Variants in PDE6G observed in about 807,000 individuals in gnomAD.
The protein encoded by PDE6G is rod cGMP 3',5'-cyclic phosphodiesterase subunit gamma.
PDE6G carries 10 observed loss-of-function variants against 10.9 expected under a neutral mutation model. That is an observed-to-expected ratio of 0.91 (90% CI 0.56 to 1.55). PDE6G has a LOEUF of 1.55. PDE6G is among the 40% of genes most tolerant of loss of function. The probability of loss-of-function intolerance (pLI) is 0.00; values close to 1 mark genes in which losing one functional copy is unlikely to be tolerated. For synonymous variants in PDE6G, 41 were observed against 42.8 expected, an observed-to-expected ratio of 0.96 and a Z score of 0.16; for missense variants, 102 against 110.1, an observed-to-expected ratio of 0.93 and a Z score of 0.33.
At chr17:81,654,531 C>T (rs1195785633) in intron 1 of PDE6G, among the ~76,000 whole-genome samples, 2 of 152,014 alleles carry the variant, frequency 1.3e-5, no homozygotes, top group Non-Finnish European at 2.9e-5. Context: ...AGGCATGCGC[C>T]ACCACACCCA....
Position 81,653,288 on chromosome 17 carries a change from G to T in PDE6G, c.18C>A (p.Pro6=). The T allele has an allele frequency of 6.2e-7, 1 of 1,613,688 alleles. No homozygotes were observed. Among genetic ancestry groups the T allele is most frequent in the Non-Finnish European group, 8.5e-7 (1 of 1,179,982 alleles). Residue 6 remains proline (P), a synonymous_variant, in exon 2 of 4, where the codon CCC becomes CCA. Coordinates refer to ENST00000331056, the MANE Select transcript of PDE6G (RefSeq NM_002602.4). This position sits in a 1 kb window ranked among gnomAD's most constrained non-coding sequence, Gnocchi z 5.2. The part of the protein sequence containing the change: MNLEP[P]KAEFRSATRV... ...TGGTGGCTGACCGGAACTCAGCCTTGGGCGGTTCCAGGTTCATGGTGAGGC... is the reference window on the plus strand; with the variant it reads ...TGGTGGCTGACCGGAACTCAGCCTTTGGCGGTTCCAGGTTCATGGTGAGGC...
At chr17:81,655,129 C>T (rs1274231280) in intron 1 of PDE6G, among the ~76,000 whole-genome samples, 4 of 152,162 alleles carry the variant, frequency 2.6e-5, no homozygotes, top group Admixed American at 6.5e-5. Context: ...GGGGTGCTGT[C>T]AGTTCCCTTC....
At chr17:81,658,633 G>A (rs1433454526), upstream of PDE6G, among the ~76,000 whole-genome samples, 3 of 151,976 alleles carry the variant, frequency 2.0e-5, no homozygotes, top group Non-Finnish European at 4.4e-5. Flanking sequence ...TTGAGATCAG[G>A]AGTTCAAGAC....
chr17:81,651,090 T>C lies in PDE6G; in HGVS notation c.248A>G (p.Gln83Arg), dbSNP rs1198990618. Residue 83 changes from glutamine to arginine, a missense_variant, in exon 4 of 4, where the codon CAA becomes CGA. Transcript: ENST00000331056. This position sits in a 1 kb window ranked among gnomAD's most constrained non-coding sequence, Gnocchi z 4.8. ...GGCCTCGTGCTAGATGATGCCATAT[T>C]GGGCCAGCTCGTGCAGCTCCAGGTG... Reference protein sequence around the residue: ...FNHLELHELAQYGII With the variant: ...FNHLELHELARYGII The C allele has an allele frequency of 3.1e-6, 5 of 1,613,402 alleles. No homozygotes were observed. The highest frequency in any genetic ancestry group is 1.3e-5 in the African/African-American group (1 of 74,868).
At chr17:81,655,819 C>G (rs538781803) in intron 1 of PDE6G, among the ~76,000 whole-genome samples, 1 of 151,936 alleles carries the variant, frequency 6.6e-6, no homozygotes, top group Admixed American at 6.6e-5. Context: ...AGCTGTTTGC[C>G]GAGCTTCAGG....
intron 1 of PDE6G, among the ~76,000 whole-genome samples, chr17:81,661,545 C>T (rs997529385): frequency 2.6e-4 from 39 of 152,178 alleles, no homozygotes; most frequent in African/African-American, 8.2e-4. Flanking sequence ...GGTGAAACCC[C>T]GTCTCTACTA....
intron 1 of PDE6G, among the ~76,000 whole-genome samples, chr17:81,654,319 G>A (rs950035078): frequency 6.6e-6 from 1 of 151,976 alleles, no homozygotes; most frequent in African/African-American, 2.4e-5. Flanking sequence ...TTCTCATCAC[G>A]CGTCGAGTTA....
chr17:81,662,825 C>T (rs1199500176), intron 1 of PDE6G, among the ~76,000 whole-genome samples: 3 of 151,988 alleles, frequency 2.0e-5, no homozygotes, highest in African/African-American at 7.3e-5. Context: ...TGGCGAAACC[C>T]CGTCTCTAGT....
chr17:81,655,182 G>A (rs1222859870), intron 1 of PDE6G, among the ~76,000 whole-genome samples: 3 of 152,098 alleles, frequency 2.0e-5, no homozygotes, highest in Non-Finnish European at 4.4e-5. Flanking sequence ...GCACCATGAC[G>A]GGCACCCCGC....
At chr17:81,656,304 AGAG>A (rs1264949982) in intron 1 of PDE6G, among the ~76,000 whole-genome samples, 186 bp downstream of exon 1, 2 of 152,158 alleles carry the variant, frequency 1.3e-5, no homozygotes, top group Admixed American at 1.3e-4. Flanking sequence ...ATGGGGGAGC[AGAG>A]GAGGAGGTTG....
upstream of PDE6G, among the ~76,000 whole-genome samples, chr17:81,661,166 A>G (rs977605613): frequency 6.6e-6 from 1 of 152,154 alleles, no homozygotes; most frequent in Non-Finnish European, 1.5e-5. Flanking sequence ...GCAGGAGCCC[A>G]GGAGTTTACG....
rs1598719316 is a variant in PDE6G at position 81,653,580 on chromosome 17, T to A, written c.-59-216A>T. The A allele has an allele frequency of 2.0e-6, 1 of 502,816 alleles. No individual in the cohort carries two copies. The highest frequency in any genetic ancestry group is 3.6e-5 in the East Asian group (1 of 27,668). The allele number at this position is 502,816 out of a possible 1,614,324, so 31.1% of individuals were successfully genotyped here. On this transcript the variant is annotated intron_variant, in intron 1 of 3. Transcript: ENST00000331056. The surrounding 1 kb of genome is among the most constrained non-coding windows in gnomAD (Gnocchi z 5.2). ...TCCCCTTGCCTAGTGGATGCCCCCC[T>A]GCAACGCTGGCCACACACAGCTCCG...
At chr17:81,662,056 C>T (rs186295339) in intron 1 of PDE6G, among the ~76,000 whole-genome samples, 7 of 151,982 alleles carry the variant, frequency 4.6e-5, no homozygotes, top group Admixed American at 4.6e-4. Context: ...TTTAAATCTA[C>T]CTATGACCTG....
In PDE6G at chr17:81,651,637, C is replaced by T. The variant is rs749474428; in HGVS notation, c.187+8G>A. The T allele has an allele frequency of 6.8e-6, 11 of 1,613,782 alleles. No homozygotes were observed. Among genetic ancestry groups the T allele is most frequent in the Non-Finnish European group, 8.5e-6 (10 of 1,179,810 alleles). ...CAGACCTCGGGTTGGTACTGGCAGC[C>T]GTCATACCTGTTCCCAGGCCTTCCA... On this transcript the variant is annotated splice_region_variant and intron_variant, in intron 3 of 3. Coordinates refer to ENST00000331056, the MANE Select transcript of PDE6G (RefSeq NM_002602.4). This position sits in a 1 kb window ranked among gnomAD's most constrained non-coding sequence, Gnocchi z 4.8.
At chr17:81,659,846 G>T (rs1213139524), upstream of PDE6G, among the ~76,000 whole-genome samples, 1 of 152,112 alleles carries the variant, frequency 6.6e-6, no homozygotes, top group Non-Finnish European at 1.5e-5. Flanking sequence ...CAGAACTTTG[G>T]GAGGCCAAGG....
upstream of PDE6G, among the ~76,000 whole-genome samples, chr17:81,659,524 G>C (rs187578168): frequency 1.3e-5 from 2 of 151,446 alleles, no homozygotes; most frequent in African/African-American, 2.4e-5. Context: ...ATTTAAACCC[G>C]GGAGGCGGAG....
At position 81,653,349 on chromosome 17, in the gene PDE6G, T is replaced by C; in HGVS notation, c.-44A>G. The C allele has an allele frequency of 6.2e-7, 1 of 1,603,670 alleles. No individual in the cohort carries two copies. The highest frequency in any genetic ancestry group is 8.5e-7 in the Non-Finnish European group (1 of 1,178,788). On this transcript the variant is annotated 5_prime_UTR_variant, in exon 2 of 4. Coordinates refer to ENST00000331056, the MANE Select transcript of PDE6G (RefSeq NM_002602.4). This position sits in a 1 kb window ranked among gnomAD's most constrained non-coding sequence, Gnocchi z 5.2. ...ACCGCGGCAACCTTGGCTCCTGGAC[T>C]CCCTCCTGCTGCGGTCTGGGGGCAG...
chr17:81,653,274 C>G lies in PDE6G; in HGVS notation c.32G>C (p.Arg11Pro), dbSNP rs1347654087. The stretch of plus-strand genomic sequence containing the variant: ...TCCCCCGGCCACCCTGGTGGCTGAC[C>G]GGAACTCAGCCTTGGGCGGTTCCAG... MNLEPPKAEFRSATRVAGGPV... is the reference protein window; with the variant it reads MNLEPPKAEFPSATRVAGGPV... Residue 11 changes from arginine to proline, a missense_variant, in exon 2 of 4, where the codon CGG becomes CCG. Physicochemically the swap from Arg to Pro is moderately radical, Grantham distance 103 (BLOSUM62 -2). Coordinates refer to ENST00000331056, the MANE Select transcript of PDE6G (RefSeq NM_002602.4). The surrounding 1 kb of genome is among the most constrained non-coding windows in gnomAD (Gnocchi z 5.2). The G allele has an allele frequency of 6.2e-7, 1 of 1,614,004 alleles. No homozygotes were observed. The highest frequency in any genetic ancestry group is 8.5e-7 in the Non-Finnish European group (1 of 1,180,002).
At chr17:81,660,274 G>A (rs764157385), upstream of PDE6G, among the ~76,000 whole-genome samples, 1 of 151,724 alleles carries the variant, frequency 6.6e-6, no homozygotes, top group Non-Finnish European at 1.5e-5. Context: ...TTAGCCAGGC[G>A]TGGTGGCAGG....
Sources: allele counts gnomAD v4.1 joint callset (sites outside exome capture counted in the v4.1 genomes callset), GRCh38; gene constraint gnomAD v4.1.1; non-coding constraint Gnocchi (gnomAD v3.1); transcripts MANE v1.5; gene names NCBI Gene and HGNC (gene_info 2026-07-23, HGNC 2026-07-21).